Variants in NEAT1 observed in about 807,000 individuals in gnomAD.
The protein encoded by NEAT1 is MENepsilon/beta.
chr11:65,429,487 T>C lies in NEAT1; in HGVS notation n.6690T>C, dbSNP rs147825398. ...GTGTCAATTGGCCATTTGTGGTGTG[T>C]GTGTGTGTGCGTGTGTGTGTGTGTG... On this transcript the variant is annotated non_coding_transcript_exon_variant, in exon 1 of 1. Coordinates refer to ENST00000501122, the Ensembl canonical transcript of NEAT1. The C allele has an allele frequency of 2.4e-5, 3 of 124,404 alleles. No homozygotes were observed. In the East Asian group the frequency reaches 7.3e-4, roughly 30 times the overall value. The allele number at this position is 124,404 out of a possible 1,614,324, so 7.7% of individuals were successfully genotyped here.
chr11:65,426,778 CCACT>C (rs1856566367), exon 1 of NEAT1: 1 of 152,112 alleles, frequency 6.6e-6, no homozygotes, highest in South Asian at 2.1e-4. Flanking sequence ...TGTGATGAAA[CCACT>C]CAAGCCAATG....
exon 1 of NEAT1, chr11:65,430,114 A>G (rs932828120): frequency 6.6e-6 from 1 of 151,824 alleles, no homozygotes; most frequent in East Asian, 1.9e-4. Context: ...AAGTTACTTA[A>G]CCTCCCCAAG....
At chr11:65,424,741 A>G (rs541143543) in exon 1 of NEAT1, 11 of 152,328 alleles carry the variant, frequency 7.2e-5, no homozygotes, top group African/African-American at 2.6e-4. Context: ...GCAGATTACT[A>G]GGAGAAGGGA....
exon 1 of NEAT1, chr11:65,437,211 GTATATATATATATATACA>G (rs1400271327): frequency 2.5e-5 from 3 of 120,342 alleles, no homozygotes; most frequent in South Asian, 2.5e-4. Flanking sequence ...ATATATATAT[GTATATATATATATATACA>G]TATATATATA....
exon 1 of NEAT1, chr11:65,423,150 A>C (rs1856516623): frequency 6.5e-6 from 1 of 152,806 alleles, no homozygotes; most frequent in Non-Finnish European, 1.5e-5. Flanking sequence ...AGGCAGGGAG[A>C]GGTAGAAGGG....
chr11:65,433,414 A>C (rs1326671370), exon 1 of NEAT1: 1 of 152,224 alleles, frequency 6.6e-6, no homozygotes, highest in African/African-American at 2.4e-5. Flanking sequence ...TCAAATACAC[A>C]GAACTGGGTA....
At chr11:65,427,342 T>G (rs1856571319) in exon 1 of NEAT1, 1 of 152,402 alleles carries the variant, frequency 6.6e-6, no homozygotes, top group African/African-American at 2.4e-5. Flanking sequence ...CACCTGGGCC[T>G]GTTTGCCTGA....
exon 1 of NEAT1, chr11:65,424,204 T>A (rs1856537010): frequency 1.3e-5 from 2 of 152,218 alleles, no homozygotes; most frequent in Admixed American, 6.5e-5. Context: ...TGGGGGGCAA[T>A]CTTAAAAAGT....
chr11:65,443,594 C>G (rs1032782515), exon 1 of NEAT1: 2 of 152,236 alleles, frequency 1.3e-5, no homozygotes, highest in African/African-American at 4.8e-5. Context: ...GTTGTCACTG[C>G]CACCTGGGCC....
At chr11:65,444,211 AGAGGTCT>A in exon 1 of NEAT1, 1 of 313,072 alleles carries the variant, frequency 3.2e-6, no homozygotes, top group Non-Finnish European at 6.2e-6. Context: ...CACCCCTTTG[AGAGGTCT>A]GAGGCCTGCA....
chr11:65,444,413 CAT>C (rs1458062354), exon 1 of NEAT1: 5 of 470,546 alleles, frequency 1.1e-5, no homozygotes, highest in East Asian at 7.0e-5. Context: ...CCTGGCCTGA[CAT>C]GTGTGTCCCT....
chr11:65,427,351 G>C (rs960232114), exon 1 of NEAT1: 1 of 152,410 alleles, frequency 6.6e-6, no homozygotes, highest in Admixed American at 6.5e-5. Flanking sequence ...CTGTTTGCCT[G>C]AGAAGGGGAG....
exon 1 of NEAT1, chr11:65,436,540 G>C (rs1481559632): frequency 6.6e-6 from 1 of 152,264 alleles, no homozygotes; most frequent in East Asian, 1.9e-4. Flanking sequence ...TCCCACAGAG[G>C]CCACCGTCAT....
At chr11:65,445,374 T>G (rs2134912493) in exon 1 of NEAT1, 1 of 152,274 alleles carries the variant, frequency 6.6e-6, no homozygotes, top group East Asian at 1.9e-4. Flanking sequence ...GTCCCCTGGC[T>G]ATGCCTTTAC....
exon 1 of NEAT1, chr11:65,443,069 A>G (rs1856729499): frequency 6.6e-6 from 1 of 152,220 alleles, no homozygotes; most frequent in African/African-American, 2.4e-5. Context: ...GGCAGTGGGA[A>G]GGGATTCTCT....
At chr11:65,426,346 G>A (rs947195495) in exon 1 of NEAT1, 8 of 152,130 alleles carry the variant, frequency 5.3e-5, no homozygotes, top group African/African-American at 1.9e-4. Context: ...TATTAGTCAC[G>A]CATGTATGGG....
At chr11:65,437,044 G>C (rs1236680101) in exon 1 of NEAT1, 1 of 151,582 alleles carries the variant, frequency 6.6e-6, no homozygotes, top group African/African-American at 2.4e-5. Flanking sequence ...ATTGTAGTTT[G>C]GATTTGTATT....
At chr11:65,442,091 A>G (rs1590676287) in exon 1 of NEAT1, 1 of 151,242 alleles carries the variant, frequency 6.6e-6, no homozygotes, top group African/African-American at 2.4e-5. Context: ...AAAGGGTAAC[A>G]GTGGACAGTT....
exon 1 of NEAT1, chr11:65,425,490 C>G (rs1211787289): frequency 6.6e-6 from 1 of 152,164 alleles, no homozygotes; most frequent in Admixed American, 6.5e-5. Flanking sequence ...GCATCCTTCG[C>G]TGCCCCTTAG....
Sources: allele counts gnomAD v4.1 joint callset, GRCh38; gene constraint gnomAD v4.1.1; transcripts MANE v1.5; gene names NCBI Gene and HGNC (gene_info 2026-07-23, HGNC 2026-07-21).